The following RSBN1 variants were observed in gnomAD, a reference collection of about 807,000 sequenced individuals.
RSBN1 encodes the protein round spermatid basic protein 1.
In RSBN1, 23 loss-of-function variants were observed where a neutral mutation model predicts 74.8. The observed-to-expected ratio is 0.31, with a 90% confidence interval of 0.22 to 0.44. The LOEUF is 0.44. Among genes scored for constraint, RSBN1 ranks in the 20% least tolerant of loss-of-function variants. RSBN1 has a pLI of 1.00. For synonymous variants in RSBN1, 407 were observed against 379.6 expected, an observed-to-expected ratio of 1.07 and a Z score of -0.84; for missense variants, 808 against 1,020.9, an observed-to-expected ratio of 0.79 and a Z score of 2.84.
intron 1 of RSBN1, among the ~76,000 whole-genome samples, chr1:113,810,311 G>C (rs1052407103): frequency 6.6e-6 from 1 of 151,790 alleles, no homozygotes; most frequent in African/African-American, 2.4e-5. Flanking sequence ...ACTACTTTGG[G>C]CCTCAGTTTC....
chr1:113,812,231 G>T lies in RSBN1; in HGVS notation c.182C>A (p.Ala61Glu), dbSNP rs1660883874. ...AQVGAVRVVR[A>E]VAAQEEPDKE... ...GTCCGGCTCCTCCTGCGCCGCCACC[G>T]CCCGTACTACGCGCACCGCTCCGAC... Residue 61 changes from alanine to glutamate, a missense_variant, in exon 1 of 7, where the codon GCG becomes GAG. By Grantham distance (107) the Ala-to-Glu change is moderately radical (BLOSUM62 -1). Around this residue, in one of 6 missense-constraint regions of RSBN1, gnomAD observed 464 missense variants for 401.0 expected, o/e 1.16. Coordinates refer to ENST00000261441, the MANE Select transcript of RSBN1 (RefSeq NM_018364.5). 1 of 1,606,474 alleles carries T rather than the reference G, an allele frequency of 6.2e-7. No individual in the cohort carries two copies. Among genetic ancestry groups the T allele is most frequent in the East Asian group, 2.2e-5 (1 of 44,804 alleles).
In RSBN1 at chr1:113,766,458, A is replaced by G. The variant is rs1465841573; in HGVS notation, c.1936-5T>C. On this transcript the variant is annotated splice_region_variant and splice_polypyrimidine_tract_variant and intron_variant, in intron 6 of 6. Transcript: ENST00000261441. ...TTCATCTACCCACTGTACGCACTGAAGAAAGAAAAAAGTTACGTGAGACTT... is the reference window on the plus strand; with the variant it reads ...TTCATCTACCCACTGTACGCACTGAGGAAAGAAAAAAGTTACGTGAGACTT... The G allele has an allele frequency of 7.6e-6, 12 of 1,572,908 alleles. No individual in the cohort carries two copies. Among genetic ancestry groups the G allele is most frequent in the African/African-American group, 1.4e-5 (1 of 73,370 alleles).
Position 113,762,803 on chromosome 1 carries a change from T to C in RSBN1, c.*3177A>G, listed in dbSNP as rs755969169. 9 of 152,792 alleles carry C rather than the reference T, an allele frequency of 5.9e-5. No individual in the cohort carries two copies. The highest frequency in any genetic ancestry group is 1.2e-4 in the Non-Finnish European group (8 of 68,028). 9.5% of individuals were successfully genotyped at this position (152,792 alleles called of 1,614,324 possible). On this transcript the variant is annotated 3_prime_UTR_variant, in exon 7 of 7. Transcript: ENST00000261441. ...TGACTTTTATGCCTAGTAAGACTGA[T>C]GCAAGACATCTTTTCCTAAAGTTTA...
At chr1:113,802,199 A>C (rs1400022990) in intron 1 of RSBN1, among the ~76,000 whole-genome samples, 1 of 151,854 alleles carries the variant, frequency 6.6e-6, no homozygotes, top group African/African-American at 2.4e-5. Flanking sequence ...CAAGTGATCT[A>C]TCCGCCTCGG....
chr1:113,784,259 C>A (rs1199420572), intron 2 of RSBN1, among the ~76,000 whole-genome samples: 1 of 152,136 alleles, frequency 6.6e-6, no homozygotes, highest in Non-Finnish European at 1.5e-5. Context: ...CACCTAATGA[C>A]AGAAATACAT....
At chr1:113,790,035 G>C (rs1032193888) in intron 2 of RSBN1, among the ~76,000 whole-genome samples, 5 of 152,050 alleles carry the variant, frequency 3.3e-5, no homozygotes, top group Non-Finnish European at 4.4e-5. Context: ...GACATGATAA[G>C]CCACAAATTC....
intron 1 of RSBN1, 21 bp downstream of exon 1, chr1:113,811,689 G>A: frequency 1.3e-6 from 2 of 1,555,430 alleles, no homozygotes; most frequent in South Asian, 1.2e-5. Flanking sequence ...AACCCAAGCC[G>A]GGCAGTTTGC....
At chr1:113,784,472 G>T (rs1660198997) in intron 2 of RSBN1, among the ~76,000 whole-genome samples, 1 of 152,130 alleles carries the variant, frequency 6.6e-6, no homozygotes, top group Admixed American at 6.6e-5. Flanking sequence ...CTGGTTTTGT[G>T]GAAGACAATT....
At chr1:113,777,555 T>C in intron 3 of RSBN1, 116 bp downstream of exon 3, 1 of 1,072,838 alleles carries the variant, frequency 9.3e-7, no homozygotes, top group Admixed American at 2.8e-5. Flanking sequence ...AACATTTCTG[T>C]GCAAAACACT....
At chr1:113,806,225 C>A (rs1312783331) in intron 1 of RSBN1, among the ~76,000 whole-genome samples, 1 of 151,744 alleles carries the variant, frequency 6.6e-6, no homozygotes, top group Non-Finnish European at 1.5e-5. Context: ...ATCCCAGCTA[C>A]TCAGGAGGCT....
At chr1:113,778,625 T>G (rs189586178) in intron 2 of RSBN1, among the ~76,000 whole-genome samples, 1 of 152,268 alleles carries the variant, frequency 6.6e-6, no homozygotes, top group Admixed American at 6.5e-5. Flanking sequence ...ACTCAACTTA[T>G]GACAAACTTA....
chr1:113,802,883 A>C (rs895402325), intron 1 of RSBN1, among the ~76,000 whole-genome samples: 4 of 152,176 alleles, frequency 2.6e-5, no homozygotes, highest in Admixed American at 1.3e-4. Context: ...GTTTACATTC[A>C]GGTTCACTCT....
chr1:113,761,865 ATACTT>A lies in RSBN1; in HGVS notation c.*4110_*4114del, dbSNP rs772042986. On this transcript the variant is annotated 3_prime_UTR_variant, in exon 7 of 7. Coordinates refer to ENST00000261441, the MANE Select transcript of RSBN1 (RefSeq NM_018364.5). ...AAATCAGACTTTTTTTATTAAAAAA[ATACTT>A]TACAGGAAAAAAAAAAACTATGCAT... The A allele has an allele frequency of 5.9e-5, 9 of 152,692 alleles. No homozygotes were observed. Among genetic ancestry groups the A allele is most frequent in the Non-Finnish European group, 1.2e-4 (8 of 68,014 alleles). The allele number at this position is 152,692 out of a possible 1,614,324, so 9.5% of individuals were successfully genotyped here.
At chr1:113,782,333 T>C (rs554764438) in intron 2 of RSBN1, among the ~76,000 whole-genome samples, 84 of 152,156 alleles carry the variant, frequency 5.5e-4, no homozygotes, top group Non-Finnish European at 1.0e-3. Context: ...AGGTAAGGAA[T>C]AGATGCATAG....
intron 1 of RSBN1, among the ~76,000 whole-genome samples, 179 bp downstream of exon 1, chr1:113,811,531 C>T (rs533503748): frequency 6.6e-6 from 1 of 152,304 alleles, no homozygotes; most frequent in South Asian, 2.1e-4. Context: ...AGCGAGAAGC[C>T]TCAAGTAGTT....
Position 113,812,164 on chromosome 1 carries a change from C to T in RSBN1, c.249G>A (p.Arg83=), listed in dbSNP as rs534964504. 1.2e-6 allele frequency: 2 copies of T among 1,609,626 alleles called. No individual in the cohort carries two copies. Among genetic ancestry groups the T allele is most frequent in the South Asian group, 1.1e-5 (1 of 91,072 alleles). Residue 83 remains arginine (R), a synonymous_variant, in exon 1 of 7, where the codon CGG becomes CGA. Coordinates refer to ENST00000261441, the MANE Select transcript of RSBN1 (RefSeq NM_018364.5). ...KEKPHAGVSP[R]GVKRQRRSSS... is the part of the protein sequence containing the mutation. ...TAGATCGGCGCTGCCGTTTAACTCC[C>T]CGCGGGGAGACCCCAGCATGAGGTT...
rs1659697028 is a variant in RSBN1 at position 113,762,466 on chromosome 1, C to T, written c.*3514G>A. ...GCATGGCCAATAAATACAGCTACGA[C>T]CTGTTTGAAAAACAAAACAGATGTG... On this transcript the variant is annotated 3_prime_UTR_variant, in exon 7 of 7. Coordinates refer to ENST00000261441, the MANE Select transcript of RSBN1 (RefSeq NM_018364.5). 1 of 152,446 alleles carries T rather than the reference C, an allele frequency of 6.6e-6. No individual in the cohort carries two copies. Among genetic ancestry groups the T allele is most frequent in the Admixed American group, 6.5e-5 (1 of 15,282 alleles). 9.4% of individuals were successfully genotyped at this position (152,446 alleles called of 1,614,324 possible). A position where few individuals can be genotyped will look rare whatever the true frequency, so the allele number is the denominator to read the frequency against.
Position 113,777,498 on chromosome 1 carries a change from AAAG to A in RSBN1, c.1516-149_1516-147del. Reference sequence around the variant, plus strand: ...CTATTTACATAGTAATTTATATTAAAAAGAATAATTGAATTTAAGTACTTTGTA... The same window carrying A: ...CTATTTACATAGTAATTTATATTAAAAATAATTGAATTTAAGTACTTTGTA... On this transcript the variant is annotated intron_variant, in intron 3 of 6. Coordinates refer to ENST00000261441, the MANE Select transcript of RSBN1 (RefSeq NM_018364.5). 3.2e-6 allele frequency: 3 copies of A among 943,222 alleles called. No homozygotes were observed. In the South Asian group the frequency reaches 7.0e-5, roughly 22 times the overall value. 58.4% of individuals were successfully genotyped at this position (943,222 alleles called of 1,614,324 possible).
intron 2 of RSBN1, among the ~76,000 whole-genome samples, chr1:113,782,219 G>A (rs1006432814): frequency 3.3e-5 from 5 of 152,064 alleles, no homozygotes; most frequent in Admixed American, 3.3e-4. Flanking sequence ...TTTCCTTGAT[G>A]GTATAAAATG....
Sources: gnomAD v4.1 joint callset for allele counts (sites outside exome capture counted in the v4.1 genomes callset) on GRCh38, gnomAD v4.1.1 for gene constraint, gnomAD v4.1.1 regional missense constraint, MANE v1.5 for transcripts, NCBI Gene and HGNC (gene_info 2026-07-23, HGNC 2026-07-21) for gene names.